Variants in SH3D19 observed in about 807,000 individuals in gnomAD.
SH3D19 encodes the protein SH3 domain-containing protein 19.
A neutral mutation model predicts 112.1 loss-of-function variants in SH3D19; 58 were observed. That is an observed-to-expected ratio of 0.52 (90% confidence interval 0.42 to 0.64). The LOEUF (loss-of-function observed/expected upper bound fraction) is 0.64, where lower values mean the gene tolerates loss of function less well. Among genes scored for constraint, SH3D19 ranks in the 30% least tolerant of loss-of-function variants. The pLI is 0.00. For missense variants in SH3D19, 1,090 were observed against 1,263.4 expected (o/e 0.86, Z 2.08); for synonymous variants, 391 against 448.5 (o/e 0.87, Z 1.62).
chr4:151,276,935 G>C (rs1023793804), intron 1 of SH3D19, among the ~76,000 whole-genome samples: 1 of 152,082 alleles, frequency 6.6e-6, no homozygotes, highest in Non-Finnish European at 1.5e-5. Context: ...CAGAAACCCT[G>C]CTCTCCCAGG....
intron 1 of SH3D19, among the ~76,000 whole-genome samples, chr4:151,270,562 C>T (rs2149997055): frequency 6.6e-6 from 1 of 152,282 alleles, no homozygotes; most frequent in Middle Eastern, 3.4e-3. Context: ...AGAAGAATGG[C>T]CTGCCACATA....
At chr4:151,301,587 C>G (rs7654306) in intron 1 of SH3D19, among the ~76,000 whole-genome samples, 133,956 of 152,030 alleles carry the variant, frequency 0.88, 59,702 homozygotes, top group Non-Finnish European at 0.96. Context: ...CTCTTGCTCT[C>G]GCCATGTGAA....
At chr4:151,286,879 C>G (rs1774841955) in intron 1 of SH3D19, among the ~76,000 whole-genome samples, 2 of 151,684 alleles carry the variant, frequency 1.3e-5, no homozygotes, top group Non-Finnish European at 1.5e-5. Flanking sequence ...ACTCGGGAGG[C>G]TGAGGCATGA....
intron 2 of SH3D19, among the ~76,000 whole-genome samples, chr4:151,224,342 A>G (rs1404814306): frequency 6.6e-6 from 1 of 152,182 alleles, no homozygotes; most frequent in Non-Finnish European, 1.5e-5. Flanking sequence ...TAGAGCTACC[A>G]CTTTTAGCCT....
At chr4:151,239,485 T>C (rs1770390962) in intron 1 of SH3D19, among the ~76,000 whole-genome samples, 1 of 152,156 alleles carries the variant, frequency 6.6e-6, no homozygotes, top group Non-Finnish European at 1.5e-5. Flanking sequence ...CTTCAAAAAT[T>C]TTTTATTTGG....
At chr4:151,143,292 G>GAAAA (rs1308501844) in intron 12 of SH3D19, among the ~76,000 whole-genome samples, 1 of 150,646 alleles carries the variant, frequency 6.6e-6, no homozygotes, top group East Asian at 1.9e-4. Flanking sequence ...AAAGCTTTTT[G>GAAAA]GCAGTATAAC....
intron 4 of SH3D19, among the ~76,000 whole-genome samples, chr4:151,177,339 GTTATTA>G (rs967352924): frequency 1.8e-4 from 27 of 152,086 alleles, no homozygotes; most frequent in African/African-American, 5.8e-4. Flanking sequence ...TTGTTTTTCT[GTTATTA>G]TTATTATTAT....
chr4:151,198,923 C>T (rs1763976337), intron 2 of SH3D19, among the ~76,000 whole-genome samples: 1 of 151,898 alleles, frequency 6.6e-6, no homozygotes, highest in Admixed American at 6.6e-5. Flanking sequence ...GCAACAGAAA[C>T]TTCAGCAGTG....
rs1008357995 is a variant in SH3D19, at chr4:151,296,216, A to G, written c.112+29025T>C. ...AGTTTCTCTCCTGCTTCAAGTATAC[A>G]AATAATTCCTCATTTGTAATATATT... On this transcript the variant is annotated intron_variant, in intron 1 of 19. Coordinates refer to ENST00000604030, the MANE Select transcript of SH3D19 (RefSeq NM_001378122.1). 2.0e-5 allele frequency among the ~76,000 whole-genome samples: 3 copies of G among 152,188 alleles called. No individual in the cohort carries two copies. In the East Asian group the frequency reaches 5.8e-4, roughly 29 times the overall value.
At position 151,175,373 on chromosome 4, in the gene SH3D19, A is replaced by G; in HGVS notation, c.831T>C (p.Ser277=). The G allele has an allele frequency of 1.9e-6, 3 of 1,597,560 alleles. No homozygotes were observed. The highest frequency in any genetic ancestry group is 2.6e-6 in the Non-Finnish European group (3 of 1,171,832). The stretch of plus-strand genomic sequence containing the variant: ...TGTTCATAATGTTCATCACTGCCTG[A>G]CTGTCTGAGGTGCTAGCGTTGTCCA... ...SLLDNASTSD[S]QAVMNIMNTE... The change falls in exon 7 of 20, where the codon AGT becomes AGC. Residue 277 remains serine, a synonymous_variant. Coordinates refer to ENST00000604030, the MANE Select transcript of SH3D19 (RefSeq NM_001378122.1).
chr4:151,319,117 C>T (rs1730294598), intron 1 of SH3D19, among the ~76,000 whole-genome samples: 1 of 152,184 alleles, frequency 6.6e-6, no homozygotes, highest in Non-Finnish European at 1.5e-5. Context: ...GTGGTGTGAT[C>T]TCAGTTCACT....
Position 151,187,303 on chromosome 4 carries a change from TAGG to T in SH3D19, c.193+117_193+119del, listed in dbSNP as rs542469440. Reference sequence around the variant, plus strand: ...TTGTCTGAAATGCTTTAATACCTCTTAGGAGAAGCTACTCTTGGGTTCTTTGTA... The same window carrying T: ...TTGTCTGAAATGCTTTAATACCTCTTAGAAGCTACTCTTGGGTTCTTTGTA... On this transcript the variant is annotated intron_variant, in intron 3 of 19. Coordinates refer to ENST00000604030, the MANE Select transcript of SH3D19 (RefSeq NM_001378122.1). 715 of 488,900 alleles carry T rather than the reference TAGG, an allele frequency of 1.5e-3. 4 individuals carry two copies. Among genetic ancestry groups the T allele is most frequent in the Non-Finnish European group, 2.1e-3 (664 of 309,052 alleles). 30.3% of individuals were successfully genotyped at this position (488,900 alleles called of 1,614,324 possible).
At chr4:151,296,485 C>A (rs919704265) in intron 1 of SH3D19, among the ~76,000 whole-genome samples, 1 of 152,066 alleles carries the variant, frequency 6.6e-6, no homozygotes, top group Non-Finnish European at 1.5e-5. Context: ...CTGTCCCCTG[C>A]AGAAAATAAA....
At chr4:151,285,264 T>C (rs562171361) in intron 1 of SH3D19, among the ~76,000 whole-genome samples, 2 of 152,262 alleles carry the variant, frequency 1.3e-5, no homozygotes, top group Non-Finnish European at 2.9e-5. Flanking sequence ...CCATAAGAAA[T>C]TTTAAAAACA....
At chr4:151,291,915 G>A (rs1775364409) in intron 1 of SH3D19, among the ~76,000 whole-genome samples, 1 of 151,944 alleles carries the variant, frequency 6.6e-6, no homozygotes, top group Non-Finnish European at 1.5e-5. Flanking sequence ...TAACAAGAGG[G>A]CTAATAAAAA....
At chr4:151,122,511 T>TCACACACACA (rs3064664) in intron 19 of SH3D19, among the ~76,000 whole-genome samples, 8,485 of 148,448 alleles carry the variant, frequency 0.057, 302 homozygotes, top group East Asian at 0.13. Context: ...ATACCAGTTA[T>TCACACACACA]CACACACACA....
At chr4:151,295,712 A>C (rs759523085) in intron 1 of SH3D19, among the ~76,000 whole-genome samples, 2 of 152,214 alleles carry the variant, frequency 1.3e-5, no homozygotes, top group African/African-American at 4.8e-5. Flanking sequence ...GAGGCAGTGA[A>C]TATCTAAAAA....
In SH3D19 at chr4:151,174,993, G is replaced by T. The variant is rs773187322; in HGVS notation, c.1211C>A (p.Pro404His). 2 of 1,614,186 alleles carry T rather than the reference G, an allele frequency of 1.2e-6. No individual in the cohort carries two copies. Among genetic ancestry groups the T allele is most frequent in the East Asian group, 2.2e-5 (1 of 44,888 alleles). Residue 404 changes from proline to histidine, a missense_variant, in exon 7 of 20, where the codon CCC (proline) becomes CAC (histidine). Pro to His is a moderately conservative substitution (Grantham distance 77). Transcript: ENST00000604030. ...CCCACTATCAGAGCTCTCAGCCAGG[G>T]GCCCTCTTCCCGGAATCTCAGGATT... ...SVNPEIPGRGPLAESSDSGKK... is the reference protein window; with the variant it reads ...SVNPEIPGRGHLAESSDSGKK...
At chr4:151,282,278 G>A (rs577660606) in intron 1 of SH3D19, 19 of 1,613,942 alleles carry the variant, frequency 1.2e-5, no homozygotes, top group South Asian at 4.4e-5. Flanking sequence ...GGCAGACGTC[G>A]CCTTGTTGAA....
Sources: gnomAD v4.1 joint callset for allele counts (sites outside exome capture counted in the v4.1 genomes callset) on GRCh38, gnomAD v4.1.1 for gene constraint, MANE v1.5 for transcripts, NCBI Gene and HGNC (gene_info 2026-07-23, HGNC 2026-07-21) for gene names.